Variants in KDELR2 observed in about 807,000 individuals in gnomAD.
KDELR2 encodes ER lumen protein-retaining receptor 2.
A neutral mutation model predicts 23.9 loss-of-function variants in KDELR2; 15 were observed. The ratio of observed to expected loss-of-function variants is 0.63; its 90% CI spans 0.42 to 0.97. KDELR2 has a LOEUF of 0.97. Ranked by LOEUF, KDELR2 falls within the 50% of genes least tolerant of loss-of-function variation. KDELR2 has a pLI of 0.00. For synonymous variants in KDELR2, 119 were observed against 106.2 expected, an observed-to-expected ratio of 1.12 and a Z score of -0.74; for missense variants, 272 against 254.6, an observed-to-expected ratio of 1.07 and a Z score of -0.46.
intron 2 of KDELR2, among the ~76,000 whole-genome samples, chr7:6,472,052 C>T (rs957020824): frequency 2.0e-5 from 3 of 152,226 alleles, no homozygotes; most frequent in Admixed American, 6.5e-5. Context: ...AGGCGCATGC[C>T]GCCACACCCA....
chr7:6,463,863 C>A (rs535021655), intron 4 of KDELR2, among the ~76,000 whole-genome samples: 1 of 151,110 alleles, frequency 6.6e-6, no homozygotes, highest in Admixed American at 6.6e-5. Context: ...GAGTTCAAGA[C>A]CAGCCTAGCC....
At position 6,465,331 on chromosome 7, in the gene KDELR2, C is replaced by G. The variant is rs190489635; in HGVS notation, c.604+740G>C. Among the ~76,000 whole-genome samples the G allele has an allele frequency of 6.9e-3, 1,046 of 151,878 alleles. 14 individuals carry two copies. Among genetic ancestry groups the G allele is most frequent in the African/African-American group, 0.013 (537 of 41,426 alleles). On this transcript the variant is annotated intron_variant, in intron 4 of 4. Transcript: ENST00000258739. The stretch of plus-strand genomic sequence containing the variant: ...CCCGAGTAACTGGGACTACAGGCGC[C>G]CACCACCACGCCTGGCTAAGTTTTT...
At chr7:6,468,782 G>A (rs999616943) in intron 3 of KDELR2, among the ~76,000 whole-genome samples, 1 of 152,150 alleles carries the variant, frequency 6.6e-6, no homozygotes, top group African/African-American at 2.4e-5. Context: ...GGGATTACAG[G>A]CGTGAGCCAC....
intron 3 of KDELR2, among the ~76,000 whole-genome samples, chr7:6,468,935 G>A (rs1010600539): frequency 6.6e-6 from 1 of 151,264 alleles, no homozygotes; most frequent in African/African-American, 2.4e-5. Context: ...TGAGCCACCA[G>A]GCCCAGACCT....
At chr7:6,479,532 C>T (rs1436808677) in intron 1 of KDELR2, among the ~76,000 whole-genome samples, 1 of 151,932 alleles carries the variant, frequency 6.6e-6, no homozygotes, top group Non-Finnish European at 1.5e-5. Flanking sequence ...GGTTGGAGTG[C>T]AGTGCACAGT....
rs1583313737 is a variant in KDELR2 at position 6,462,827 on chromosome 7, G to C, written c.*314C>G. 2 of 660,806 alleles carry C rather than the reference G, an allele frequency of 3.0e-6. No individual in the cohort carries two copies. The highest frequency in any genetic ancestry group is 2.8e-5 in the South Asian group (1 of 35,276). 40.9% of individuals were successfully genotyped at this position (660,806 alleles called of 1,614,324 possible). On this transcript the variant is annotated 3_prime_UTR_variant, in exon 5 of 5. Transcript: ENST00000258739. Reference sequence around the variant, plus strand: ...ATTTTTTAAAATAAAAAAAAAATTTGCACTTATTCCTCACAAAATCTTCAC... The same window carrying C: ...ATTTTTTAAAATAAAAAAAAAATTTCCACTTATTCCTCACAAAATCTTCAC...
At chr7:6,467,133 C>A (rs1432816115) in intron 3 of KDELR2, among the ~76,000 whole-genome samples, 1 of 152,166 alleles carries the variant, frequency 6.6e-6, no homozygotes, top group Non-Finnish European at 1.5e-5. Context: ...CTTCCCTCTT[C>A]AATTTTCTAT....
rs745800020 is a variant in KDELR2, at chr7:6,462,986, T to C, written c.*155A>G. Reference sequence around the variant, plus strand: ...ATGCATTAAACAGAAACCTTCTGGCTCTTTTCCTCTGCGTTTTTACAGAGC... The same window carrying C: ...ATGCATTAAACAGAAACCTTCTGGCCCTTTTCCTCTGCGTTTTTACAGAGC... On this transcript the variant is annotated 3_prime_UTR_variant, in exon 5 of 5. Transcript: ENST00000258739. 2.0e-5 allele frequency: 32 copies of C among 1,613,998 alleles called. 1 individual carries two copies. Among genetic ancestry groups the C allele is most frequent in the Non-Finnish European group, 2.4e-5 (28 of 1,179,956 alleles).
chr7:6,471,006 A>C (rs889571581), intron 2 of KDELR2, among the ~76,000 whole-genome samples: 5 of 151,094 alleles, frequency 3.3e-5, no homozygotes, highest in Non-Finnish European at 5.9e-5. Flanking sequence ...AGTTCCAGCT[A>C]CTCAGGAGGC....
chr7:6,473,082 ATTTTT>A (rs1206035683), intron 2 of KDELR2, among the ~76,000 whole-genome samples: 1 of 94,888 alleles, frequency 1.1e-5, no homozygotes, highest in Non-Finnish European at 1.9e-5. Context: ...TAATTTTTGT[ATTTTT>A]TTTTTTTTTT....
At position 6,481,675 on chromosome 7, in the gene KDELR2, C is replaced by T. The variant is rs560991319; in HGVS notation, c.91+2292G>A. On this transcript the variant is annotated intron_variant, in intron 1 of 4. Coordinates refer to ENST00000258739, the MANE Select transcript of KDELR2 (RefSeq NM_006854.4). ...TTTGGGGCTGTAGTGAGCCGTGACACAGCCATTGCACTCCAGCCTGGGGGA... is the reference window on the plus strand; with the variant it reads ...TTTGGGGCTGTAGTGAGCCGTGACATAGCCATTGCACTCCAGCCTGGGGGA... 5.9e-5 allele frequency among the ~76,000 whole-genome samples: 9 copies of T among 151,878 alleles called. No individual in the cohort carries two copies. In the South Asian group the frequency reaches 1.2e-3, roughly 21 times the overall value.
chr7:6,473,115 G>A (rs1173076281), intron 2 of KDELR2, among the ~76,000 whole-genome samples: 1 of 147,116 alleles, frequency 6.8e-6, no homozygotes, highest in Non-Finnish European at 1.5e-5. Context: ...AGAGACAGGG[G>A]TCTAACTATG....
At chr7:6,473,900 A>T (rs1785703769) in intron 2 of KDELR2, among the ~76,000 whole-genome samples, 1 of 152,234 alleles carries the variant, frequency 6.6e-6, no homozygotes, top group African/African-American at 2.4e-5. Context: ...AGAGTTATCA[A>T]GAGCTTTAGA....
intron 3 of KDELR2, among the ~76,000 whole-genome samples, chr7:6,466,806 T>A (rs1041444867): frequency 2.0e-5 from 3 of 151,936 alleles, no homozygotes; most frequent in Non-Finnish European, 4.4e-5. Context: ...ATAGGGCTCA[T>A]GCTCCTATGA....
chr7:6,484,073 G>T lies in KDELR2; in HGVS notation c.-16C>A, dbSNP rs369007265. 5.8e-5 allele frequency: 85 copies of T among 1,473,664 alleles called. No homozygotes were observed. In the African/African-American group the frequency reaches 1.2e-3, roughly 21 times the overall value. 91.3% of individuals were successfully genotyped at this position (1,473,664 alleles called of 1,614,324 possible). ...AAATGTTCATGGCGGCGGCGGCGGT[G>T]GCGGTCGGCGCAGCGCGGCGGCCCC... is the stretch of plus-strand genomic sequence containing the variant. On this transcript the variant is annotated 5_prime_UTR_variant, in exon 1 of 5. Coordinates refer to ENST00000258739, the MANE Select transcript of KDELR2 (RefSeq NM_006854.4).
In KDELR2 at chr7:6,462,441, A is replaced by G. The variant is rs886827177; in HGVS notation, c.*700T>C. 1 of 155,820 alleles carries G rather than the reference A, an allele frequency of 6.4e-6. No homozygotes were observed. Among genetic ancestry groups the G allele is most frequent in the Non-Finnish European group, 1.4e-5 (1 of 70,636 alleles). The allele number at this position is 155,820 out of a possible 1,614,324, so 9.7% of individuals were successfully genotyped here. A position where few individuals can be genotyped will look rare whatever the true frequency, so the allele number is the denominator to read the frequency against. On this transcript the variant is annotated 3_prime_UTR_variant, in exon 5 of 5. Transcript: ENST00000258739. ...TTCAGCACCCTTGGGACAGTCTCCA[A>G]CTGACACTTCCCAGCAGGGGAGGAG...
At chr7:6,475,503 G>A (rs1785732973) in intron 1 of KDELR2, among the ~76,000 whole-genome samples, 4 of 152,208 alleles carry the variant, frequency 2.6e-5, no homozygotes, top group Non-Finnish European at 4.4e-5. Flanking sequence ...AGGACAACAT[G>A]AAGGTATGAA....
intron 4 of KDELR2, among the ~76,000 whole-genome samples, chr7:6,464,389 C>G: frequency 6.6e-6 from 1 of 151,810 alleles, no homozygotes; most frequent in East Asian, 1.9e-4. Context: ...CGTGGTGGTG[C>G]GCACCTGTAA....
intron 1 of KDELR2, among the ~76,000 whole-genome samples, chr7:6,480,637 C>T (rs1044738233): frequency 6.6e-6 from 1 of 151,548 alleles, no homozygotes; most frequent in African/African-American, 2.4e-5. Flanking sequence ...GAGACTAAAA[C>T]AGCATTTTCA....
Sources: allele counts gnomAD v4.1 joint callset (sites outside exome capture counted in the v4.1 genomes callset), GRCh38; gene constraint gnomAD v4.1.1; transcripts MANE v1.5; gene names NCBI Gene and HGNC (gene_info 2026-07-23, HGNC 2026-07-21).